The following LRRC4C variants were observed in gnomAD, a reference collection of about 807,000 sequenced individuals.
LRRC4C encodes leucine rich repeat containing 4C.
LRRC4C carries 5 observed loss-of-function variants against 33.6 expected under a neutral mutation model. The observed-to-expected ratio is 0.15, with a 90% confidence interval of 0.08 to 0.31. The LOEUF is 0.31. Among genes scored for constraint, LRRC4C ranks in the 10% least tolerant of loss-of-function variants. LRRC4C has a pLI of 1.00. For synonymous variants in LRRC4C, 329 were observed against 302.0 expected (o/e 1.09, Z -0.93); for missense variants, 560 against 796.7 (o/e 0.70, Z 3.58).
chr11:41,383,765 A>G (rs1001819958), intron 1 of LRRC4C, among the ~76,000 whole-genome samples: 3 of 151,996 alleles, frequency 2.0e-5, no homozygotes, highest in Non-Finnish European at 4.4e-5. Context: ...ATGCCAACAA[A>G]TGTAAATTAA....
At chr11:40,432,258 G>A (rs772120862) in intron 3 of LRRC4C, among the ~76,000 whole-genome samples, 11 of 151,590 alleles carry the variant, frequency 7.3e-5, no homozygotes, top group Non-Finnish European at 1.5e-4. Context: ...TTAAGTTGCT[G>A]CATTTGTATT....
chr11:40,726,799 A>G (rs1488924325), intron 2 of LRRC4C, among the ~76,000 whole-genome samples: 1 of 151,036 alleles, frequency 6.6e-6, no homozygotes, highest in Non-Finnish European at 1.5e-5. Flanking sequence ...TCCAAATAGG[A>G]AAAAAAAAGT....
intron 6 of LRRC4C, among the ~76,000 whole-genome samples, chr11:40,123,547 A>G (rs78737996): frequency 0.015 from 2,244 of 152,256 alleles, 61 homozygotes; most frequent in East Asian, 0.09. Context: ...AGATCTCTAC[A>G]GTGAAAACTA....
chr11:40,358,721 C>T (rs1947801056), intron 3 of LRRC4C, among the ~76,000 whole-genome samples: 1 of 152,124 alleles, frequency 6.6e-6, no homozygotes, highest in African/African-American at 2.4e-5. Flanking sequence ...CCTGCGGAGA[C>T]TCACTGGGCA....
chr11:41,399,397 A>T (rs767773060), intron 1 of LRRC4C, among the ~76,000 whole-genome samples: 1 of 151,930 alleles, frequency 6.6e-6, no homozygotes, highest in Non-Finnish European at 1.5e-5. Flanking sequence ...CGGGAGAACA[A>T]CATATTGTAT....
chr11:40,834,093 G>A (rs1474450874), intron 2 of LRRC4C, among the ~76,000 whole-genome samples: 1 of 152,094 alleles, frequency 6.6e-6, no homozygotes, highest in Non-Finnish European at 1.5e-5. Flanking sequence ...GCAGTGTCAT[G>A]CCATCATAGT....
At chr11:41,406,383 T>C (rs1932273480) in intron 1 of LRRC4C, among the ~76,000 whole-genome samples, 1 of 152,174 alleles carries the variant, frequency 6.6e-6, no homozygotes, top group Non-Finnish European at 1.5e-5. Flanking sequence ...TTTTCTCTCT[T>C]GGCTTGCTTG....
intron 1 of LRRC4C, among the ~76,000 whole-genome samples, chr11:41,189,077 C>A (rs1945831596): frequency 6.6e-6 from 1 of 152,082 alleles, no homozygotes; most frequent in Non-Finnish European, 1.5e-5. Context: ...TTTTCTCACT[C>A]ATTTATTCAA....
At chr11:40,683,878 G>A (rs763805534) in intron 2 of LRRC4C, among the ~76,000 whole-genome samples, 4 of 152,118 alleles carry the variant, frequency 2.6e-5, no homozygotes, top group Non-Finnish European at 4.4e-5. Context: ...CTGCTAAAAC[G>A]CCAGGCTTGC....
At chr11:40,465,605 A>T (rs1952613030) in intron 3 of LRRC4C, among the ~76,000 whole-genome samples, 1 of 151,948 alleles carries the variant, frequency 6.6e-6, no homozygotes, top group Admixed American at 6.6e-5. Context: ...CTAAACAAGA[A>T]AAAAAAATAA....
intron 2 of LRRC4C, among the ~76,000 whole-genome samples, chr11:40,667,613 A>G (rs776254880): frequency 7.9e-5 from 12 of 152,212 alleles, no homozygotes; most frequent in Non-Finnish European, 1.5e-4. Context: ...GCTGCCTGCC[A>G]TATGGTAAGA....
rs181864039 is a variant in LRRC4C, at chr11:40,959,056, T to C, written c.-495-25333A>G. Among the ~76,000 whole-genome samples the C allele has an allele frequency of 1.5e-3, 227 of 151,780 alleles. 2 individuals are homozygous for C. The highest frequency in any genetic ancestry group is 5.4e-3 in the African/African-American group (223 of 41,488). ...AGCAGTGGTTCTTGGTTCTGCTTTATATTAGAATCACTAAGAAGCTTTGAA... is the reference window on the plus strand; with the variant it reads ...AGCAGTGGTTCTTGGTTCTGCTTTACATTAGAATCACTAAGAAGCTTTGAA... On this transcript the variant is annotated intron_variant, in intron 1 of 6. Coordinates refer to ENST00000528697, the MANE Select transcript of LRRC4C (RefSeq NM_001258419.2).
intron 1 of LRRC4C, among the ~76,000 whole-genome samples, chr11:41,084,113 G>T (rs1327795780): frequency 6.6e-6 from 1 of 152,192 alleles, no homozygotes; most frequent in African/African-American, 2.4e-5. Context: ...GCTAGGAAAA[G>T]AACATTGCCA....
chr11:41,183,503 C>T (rs1196097041), intron 1 of LRRC4C, among the ~76,000 whole-genome samples: 2 of 152,154 alleles, frequency 1.3e-5, no homozygotes, highest in Non-Finnish European at 2.9e-5. Flanking sequence ...AAATGATCTC[C>T]TTTGACTCCA....
chr11:40,328,647 C>T (rs1010623080), intron 3 of LRRC4C, among the ~76,000 whole-genome samples: 3 of 152,126 alleles, frequency 2.0e-5, no homozygotes, highest in Non-Finnish European at 4.4e-5. Flanking sequence ...GATTTATGAG[C>T]AGGTTTAAAA....
intron 2 of LRRC4C, among the ~76,000 whole-genome samples, chr11:40,889,356 T>C (rs1357730364): frequency 6.6e-6 from 1 of 152,074 alleles, no homozygotes; most frequent in Non-Finnish European, 1.5e-5. Context: ...AATCTATTTG[T>C]TTATATCTGC....
At chr11:41,076,577 C>G (rs1016490226) in intron 1 of LRRC4C, among the ~76,000 whole-genome samples, 5 of 152,130 alleles carry the variant, frequency 3.3e-5, no homozygotes, top group African/African-American at 1.2e-4. Flanking sequence ...AGGAAATTTG[C>G]CCGTATGATC....
intron 2 of LRRC4C, among the ~76,000 whole-genome samples, chr11:40,827,440 A>G (rs2135517902): frequency 6.6e-6 from 1 of 151,930 alleles, no homozygotes; most frequent in Non-Finnish European, 1.5e-5. Flanking sequence ...AGAAAAAATA[A>G]AAAAAGTTCC....
intron 1 of LRRC4C, among the ~76,000 whole-genome samples, chr11:40,966,022 G>A (rs188032859): frequency 6.6e-4 from 101 of 152,118 alleles, no homozygotes; most frequent in Non-Finnish European, 1.2e-3. Context: ...TCTTCCATTT[G>A]TTTGTATCCT....
Sources: allele counts gnomAD v4.1 joint callset (sites outside exome capture counted in the v4.1 genomes callset), GRCh38; gene constraint gnomAD v4.1.1; transcripts MANE v1.5; gene names NCBI Gene and HGNC (gene_info 2026-07-23, HGNC 2026-07-21).